The following NRG3 variants were observed in gnomAD, a reference collection of about 807,000 sequenced individuals.
The protein encoded by NRG3 is pro-neuregulin-3, membrane-bound isoform.
In NRG3, 31 loss-of-function variants were observed where a neutral mutation model predicts 66.9. That is an observed-to-expected ratio of 0.46 (90% CI 0.35 to 0.63). The LOEUF (loss-of-function observed/expected upper bound fraction) is 0.63. NRG3 is among the 20% of genes least tolerant of loss of function. NRG3 has a pLI of 0.00. For synonymous variants in NRG3, 393 were observed against 359.4 expected (o/e 1.09, Z -1.06); for missense variants, 910 against 878.9 (o/e 1.04, Z -0.45).
chr10:82,331,128 C>T (rs1432585701), intron 1 of NRG3, among the ~76,000 whole-genome samples: 2 of 152,186 alleles, frequency 1.3e-5, no homozygotes, highest in Admixed American at 1.3e-4. Flanking sequence ...GGAAAAACAC[C>T]TTCTGCCTGT....
At chr10:82,761,914 CT>C (rs148148641) in intron 3 of NRG3, among the ~76,000 whole-genome samples, 5,456 of 136,208 alleles carry the variant, frequency 0.04, 385 homozygotes, top group African/African-American at 0.14. Flanking sequence ...TTTCTTCTTT[CT>C]TTCTTTCTCT....
At chr10:82,003,516 T>A (rs1327667002) in intron 1 of NRG3, among the ~76,000 whole-genome samples, 1 of 152,044 alleles carries the variant, frequency 6.6e-6, no homozygotes, top group East Asian at 1.9e-4. Context: ...GAGTGAACCG[T>A]GAGGTTGCTG....
intron 1 of NRG3, among the ~76,000 whole-genome samples, chr10:81,970,681 G>A (rs1489866128): frequency 6.6e-6 from 1 of 152,038 alleles, no homozygotes; most frequent in Non-Finnish European, 1.5e-5. Flanking sequence ...GGTGTGTGGT[G>A]TGTGTGAAAA....
At chr10:82,827,061 TAC>T (rs922852751) in intron 3 of NRG3, 2 of 302,524 alleles carry the variant, frequency 6.6e-6, no homozygotes, top group East Asian at 9.6e-5. Flanking sequence ...GCCTGAGTTT[TAC>T]ACTTTTCATT....
chr10:82,399,077 T>C (rs1327496025), intron 2 of NRG3, among the ~76,000 whole-genome samples: 1 of 152,246 alleles, frequency 6.6e-6, no homozygotes, highest in Non-Finnish European at 1.5e-5. Context: ...CCATTTATTC[T>C]TAGCACAGTT....
chr10:82,264,221 G>A (rs1005781194), intron 1 of NRG3, among the ~76,000 whole-genome samples: 3 of 152,176 alleles, frequency 2.0e-5, no homozygotes, highest in African/African-American at 7.2e-5. Context: ...AAGTAAAGAG[G>A]TTTAATGGAC....
At chr10:82,923,526 G>T (rs556911461) in intron 4 of NRG3, among the ~76,000 whole-genome samples, 1 of 152,294 alleles carries the variant, frequency 6.6e-6, no homozygotes, top group African/African-American at 2.4e-5. Context: ...TCTAATGCCT[G>T]ACTTGATACC....
At chr10:81,908,304 C>T (rs1844791742) in intron 1 of NRG3, among the ~76,000 whole-genome samples, 1 of 152,124 alleles carries the variant, frequency 6.6e-6, no homozygotes, top group South Asian at 2.1e-4. Flanking sequence ...TATCCCTGGG[C>T]CTAGTCCACA....
chr10:82,228,442 A>G (rs975643846), intron 1 of NRG3, among the ~76,000 whole-genome samples: 5 of 152,156 alleles, frequency 3.3e-5, no homozygotes, highest in African/African-American at 1.2e-4. Context: ...CTTAACCTAG[A>G]AGAGAAAGCA....
intron 1 of NRG3, among the ~76,000 whole-genome samples, chr10:82,242,752 T>C (rs2077060270): frequency 6.6e-6 from 1 of 152,142 alleles, no homozygotes; most frequent in African/African-American, 2.4e-5. Context: ...GAAGTACATG[T>C]GTTTCCCAAA....
At chr10:82,977,480 G>A (rs1458234440) in intron 7 of NRG3, among the ~76,000 whole-genome samples, 2 of 151,850 alleles carry the variant, frequency 1.3e-5, no homozygotes, top group Non-Finnish European at 2.9e-5. Flanking sequence ...ATTGTGGGGG[G>A]CACCTGTAGT....
chr10:82,624,695 A>G (rs1443283391), intron 2 of NRG3, among the ~76,000 whole-genome samples: 2 of 147,806 alleles, frequency 1.4e-5, no homozygotes, highest in African/African-American at 5.0e-5. Flanking sequence ...ATGTATACAC[A>G]TATGCATACA....
intron 4 of NRG3, among the ~76,000 whole-genome samples, chr10:82,941,686 A>G (rs1848584994): frequency 6.6e-6 from 1 of 152,226 alleles, no homozygotes; most frequent in African/African-American, 2.4e-5. Flanking sequence ...ATAGAAATAA[A>G]TACTAGAATT....
chr10:82,821,664 A>G (rs1234694594), intron 3 of NRG3, among the ~76,000 whole-genome samples: 2 of 152,196 alleles, frequency 1.3e-5, no homozygotes, highest in African/African-American at 2.4e-5. Context: ...ATGAAAATCT[A>G]AAAGTCTGAG....
chr10:82,363,996 G>GA (rs778886070), intron 2 of NRG3, among the ~76,000 whole-genome samples: 41 of 149,388 alleles, frequency 2.7e-4, no homozygotes, highest in African/African-American at 7.4e-4. Context: ...TCCTAATTCT[G>GA]AAAAAAAAAC....
intron 2 of NRG3, among the ~76,000 whole-genome samples, chr10:82,467,948 T>C: frequency 6.6e-6 from 1 of 152,080 alleles, no homozygotes; most frequent in Non-Finnish European, 1.5e-5. Flanking sequence ...AGGTCATATA[T>C]TTTGCATAAC....
intron 1 of NRG3, among the ~76,000 whole-genome samples, chr10:82,265,052 G>GGT (rs2078225444): frequency 6.6e-6 from 1 of 152,018 alleles, no homozygotes; most frequent in African/African-American, 2.4e-5. Context: ...GAGAATGAGG[G>GGT]GTGTGTGTGT....
chr10:82,179,298 T>C (rs1160873558), intron 1 of NRG3, among the ~76,000 whole-genome samples: 1 of 151,986 alleles, frequency 6.6e-6, no homozygotes, highest in East Asian at 1.9e-4. Context: ...ATTCTTTCGC[T>C]GTCATATCAA....
At chr10:82,595,167 T>C (rs1303981901) in intron 2 of NRG3, among the ~76,000 whole-genome samples, 1 of 152,194 alleles carries the variant, frequency 6.6e-6, no homozygotes, top group East Asian at 1.9e-4. Flanking sequence ...ATGCTTTAGC[T>C]GAACAATAGT....
Sources: gnomAD v4.1 joint callset for allele counts (sites outside exome capture counted in the v4.1 genomes callset) on GRCh38, gnomAD v4.1.1 for gene constraint, MANE v1.5 for transcripts, NCBI Gene and HGNC (gene_info 2026-07-23, HGNC 2026-07-21) for gene names.